The following TNNI3K variants were observed in gnomAD, a reference collection of about 807,000 sequenced individuals.
TNNI3K encodes serine/threonine-protein kinase TNNI3K.
In TNNI3K, 140 loss-of-function variants were observed where a neutral mutation model predicts 114.5. The ratio of observed to expected loss-of-function variants is 1.22; its 90% confidence interval spans 1.07 to 1.41. TNNI3K has a LOEUF of 1.41. Ranked by LOEUF, TNNI3K falls within the 40% of genes most tolerant of loss-of-function variation. The pLI is 0.00. For missense variants in TNNI3K, 1,125 were observed against 1,007.6 expected (o/e 1.12, Z -1.58); for synonymous variants, 347 against 347.5 (o/e 1.00, Z 0.02).
intron 21 of TNNI3K, chr1:74,480,917 G>A (rs750887729): frequency 5.0e-5 from 36 of 717,280 alleles, no homozygotes; most frequent in Non-Finnish European, 9.1e-5. Flanking sequence ...GCTCTCAATA[G>A]AGGAGAGATA....
chr1:74,253,199 G>A (rs1357991796), intron 4 of TNNI3K, among the ~76,000 whole-genome samples: 3 of 152,152 alleles, frequency 2.0e-5, no homozygotes, highest in Admixed American at 1.3e-4. Flanking sequence ...AGTGCTGATT[G>A]GCATATTTAC....
At chr1:74,332,522 G>A (rs1660258865) in intron 6 of TNNI3K, among the ~76,000 whole-genome samples, 1 of 151,902 alleles carries the variant, frequency 6.6e-6, no homozygotes, top group Admixed American at 6.6e-5. Context: ...GGATGGTCTC[G>A]ATCTCCTGAC....
chr1:74,248,450 C>T (rs775995537), intron 2 of TNNI3K, among the ~76,000 whole-genome samples: 20 of 152,280 alleles, frequency 1.3e-4, no homozygotes, highest in African/African-American at 3.4e-4. Flanking sequence ...GCTGCTAGCA[C>T]GTTGTCACCT....
At chr1:74,417,734 CAGAGAG>C (rs373459381) in intron 17 of TNNI3K, among the ~76,000 whole-genome samples, 2 of 93,048 alleles carry the variant, frequency 2.1e-5, no homozygotes, top group East Asian at 2.9e-4. Flanking sequence ...GTGTGTGTGT[CAGAGAG>C]AGAGAGAGAG....
rs912360747 is a variant in TNNI3K at position 74,295,684 on chromosome 1, T to C, written c.444+23976T>C. Among the ~76,000 whole-genome samples, 5 of 152,176 alleles carry C rather than the reference T, an allele frequency of 3.3e-5. No homozygotes were observed. In the South Asian group the frequency reaches 1.0e-3, roughly 31 times the overall value. On this transcript the variant is annotated intron_variant, in intron 5 of 24. Coordinates refer to ENST00000326637, the MANE Select transcript of TNNI3K (RefSeq NM_015978.3). ...ATCACTATGCCAGCTTTCTTTTGAATAGTGTTTGCATGACATTTTTCTTTT... is the reference window on the plus strand; with the variant it reads ...ATCACTATGCCAGCTTTCTTTTGAACAGTGTTTGCATGACATTTTTCTTTT...
intron 21 of TNNI3K, chr1:74,471,502 T>G (rs759059721): frequency 5.0e-6 from 2 of 400,662 alleles, no homozygotes; most frequent in Non-Finnish European, 8.8e-6. Flanking sequence ...CCCTTTGAGG[T>G]CAGACTGAGG....
At chr1:74,510,045 T>A (rs1670106212) in intron 23 of TNNI3K, among the ~76,000 whole-genome samples, 1 of 152,170 alleles carries the variant, frequency 6.6e-6, no homozygotes, top group Non-Finnish European at 1.5e-5. Context: ...AATTTCAATG[T>A]CACAGATTTT....
chr1:74,331,394 C>T lies in TNNI3K; in HGVS notation c.445-56C>T, dbSNP rs1000725326. 7.1e-6 allele frequency: 11 copies of T among 1,559,676 alleles called. No homozygotes were observed. In the Admixed American group the frequency reaches 1.9e-4, roughly 27 times the overall value. Reference sequence around the variant, plus strand: ...TGTGCATGGTGGTTGTAAACTGAATCTTAATAGGCAGATAACTCAACTGAA... The same window carrying T: ...TGTGCATGGTGGTTGTAAACTGAATTTTAATAGGCAGATAACTCAACTGAA... On this transcript the variant is annotated intron_variant, in intron 5 of 24. Coordinates refer to ENST00000326637, the MANE Select transcript of TNNI3K (RefSeq NM_015978.3).
At chr1:74,411,914 G>A (rs1664899053) in intron 17 of TNNI3K, among the ~76,000 whole-genome samples, 1 of 151,726 alleles carries the variant, frequency 6.6e-6, no homozygotes, top group Non-Finnish European at 1.5e-5. Context: ...GAGAGAATTG[G>A]GTAAATTAGA....
intron 11 of TNNI3K, 59 bp from the exon 12 acceptor site, chr1:74,367,197 T>A (rs991846474): frequency 1.3e-6 from 2 of 1,573,412 alleles, no homozygotes; most frequent in African/African-American, 2.7e-5. Flanking sequence ...GATTTGAGAG[T>A]AGACTGAATA....
At chr1:74,372,621 C>G (rs535365192) in intron 17 of TNNI3K, 1 of 151,876 alleles carries the variant, frequency 6.6e-6, no homozygotes, top group East Asian at 1.9e-4. Flanking sequence ...ATAATATAAA[C>G]CGATGATTTT....
intron 20 of TNNI3K, among the ~76,000 whole-genome samples, chr1:74,456,591 C>T (rs1258772834): frequency 6.6e-6 from 1 of 152,172 alleles, no homozygotes; most frequent in Non-Finnish European, 1.5e-5. Context: ...TTCCTTATAA[C>T]CAGGTACCCA....
Position 74,463,477 on chromosome 1 carries a change from G to C in TNNI3K, c.2048G>C (p.Arg683Thr). 2 of 1,614,196 alleles carry C rather than the reference G, an allele frequency of 1.2e-6. No homozygotes were observed. Among genetic ancestry groups the C allele is most frequent in the Non-Finnish European group, 1.7e-6 (2 of 1,180,040 alleles). The change falls in exon 21 of 25, where the codon AGA (arginine) becomes ACA (threonine). Residue 683 changes from arginine (R) to threonine (T), a missense_variant. By Grantham distance (71) the Arg-to-Thr change is moderately conservative. Coordinates refer to ENST00000326637, the MANE Select transcript of TNNI3K (RefSeq NM_015978.3). Reference sequence around the variant, plus strand: ...GCAGACATGGCTTACCACCACATCAGACCTCCCATTGGCTATTCCATTCCC... The same window carrying C: ...GCAGACATGGCTTACCACCACATCACACCTCCCATTGGCTATTCCATTCCC... ...AAADMAYHHI[R>T]PPIGYSIPKP...
chr1:74,443,336 G>A (rs1666467559), intron 20 of TNNI3K, among the ~76,000 whole-genome samples: 1 of 151,962 alleles, frequency 6.6e-6, no homozygotes, highest in African/African-American at 2.4e-5. Flanking sequence ...ATATAATTGT[G>A]ACTCCACAGA....
At chr1:74,469,974 A>G (rs1667845061) in intron 21 of TNNI3K, 5 of 400,740 alleles carry the variant, frequency 1.2e-5, no homozygotes, top group Non-Finnish European at 2.2e-5. Flanking sequence ...TTATTCTGCT[A>G]GGAACTAAAA....
intron 9 of TNNI3K, among the ~76,000 whole-genome samples, chr1:74,343,428 G>A (rs1400922766): frequency 1.3e-5 from 2 of 152,082 alleles, no homozygotes; most frequent in African/African-American, 4.8e-5. Context: ...ACAAAGACAG[G>A]GACTGATGTT....
At chr1:74,401,894 G>A (rs944365978) in intron 17 of TNNI3K, 12 of 453,504 alleles carry the variant, frequency 2.6e-5, no homozygotes, top group African/African-American at 2.2e-4. Context: ...CTGGAGGGGA[G>A]CTCATTACTT....
intron 21 of TNNI3K, among the ~76,000 whole-genome samples, chr1:74,478,112 T>G (rs1490614020): frequency 6.6e-6 from 1 of 152,176 alleles, no homozygotes; most frequent in Non-Finnish European, 1.5e-5. Flanking sequence ...TAGTTCTAAG[T>G]GTTTTTCCCA....
chr1:74,356,484 C>A (rs1216278851), intron 11 of TNNI3K, among the ~76,000 whole-genome samples: 1 of 152,080 alleles, frequency 6.6e-6, no homozygotes, highest in Non-Finnish European at 1.5e-5. Flanking sequence ...TCTCAGGAGG[C>A]CTTACTAAAT....
Sources: gnomAD v4.1 joint callset for allele counts (sites outside exome capture counted in the v4.1 genomes callset) on GRCh38, gnomAD v4.1.1 for gene constraint, MANE v1.5 for transcripts, NCBI Gene and HGNC (gene_info 2026-07-23, HGNC 2026-07-21) for gene names.